The following CX3CR1 variants were observed in gnomAD, a reference collection of about 807,000 sequenced individuals.
CX3CR1 encodes the protein C-X3-C motif chemokine receptor 1.
For synonymous variants in CX3CR1, 168 were observed against 178.5 expected (o/e 0.94, Z 0.47); for missense variants, 363 against 432.4 (o/e 0.84, Z 1.42).
At chr3:39,287,288 T>C in the CX3CR1 span, 1 of 152,210 alleles carries the variant, frequency 6.6e-6, no homozygotes, top group East Asian at 1.9e-4. Flanking sequence ...TTTAAGGTAA[T>C]GAAGACCTAA....
chr3:39,283,793 AATTATATATATAT>A (rs1369780964), upstream of CX3CR1, among the ~76,000 whole-genome samples: 137 of 63,920 alleles, frequency 2.1e-3, 1 homozygote, highest in Non-Finnish European at 3.2e-3. Flanking sequence ...AAAAAAAAAA[AATTATATATATAT>A]ATATATATAT....
chr3:39,276,570 C>T (rs1157506211), intron 1 of CX3CR1, among the ~76,000 whole-genome samples: 5 of 152,190 alleles, frequency 3.3e-5, no homozygotes, highest in African/African-American at 1.2e-4. Flanking sequence ...CTGTAGACTG[C>T]TAATTCTCCT....
intron 1 of CX3CR1, among the ~76,000 whole-genome samples, chr3:39,276,123 T>C (rs1458965115): frequency 6.6e-6 from 1 of 151,748 alleles, no homozygotes; most frequent in African/African-American, 2.4e-5. Flanking sequence ...GATGGTGGAG[T>C]TGGGAGGAGC....
chr3:39,273,593 G>T (rs1047222718), intron 1 of CX3CR1, among the ~76,000 whole-genome samples: 1 of 152,176 alleles, frequency 6.6e-6, no homozygotes, highest in Non-Finnish European at 1.5e-5. Context: ...ACCTCTAAGA[G>T]CCTTGCTAGC....
chr3:39,272,886 G>A (rs771854407), intron 1 of CX3CR1, among the ~76,000 whole-genome samples: 5 of 152,134 alleles, frequency 3.3e-5, no homozygotes, highest in South Asian at 2.1e-4. Context: ...TGCCATTCCC[G>A]GATGCCTGCT....
rs1427753776 is a variant in CX3CR1, at chr3:39,263,814, G to A, written c.*1628C>T. On this transcript the variant is annotated 3_prime_UTR_variant, in exon 2 of 2. Coordinates refer to ENST00000399220, the MANE Select transcript of CX3CR1 (RefSeq NM_001337.4). ...GATTATAAAACCATCTGTACATTACGATTGCAACTCTAAACATGTGAGAGT... is the reference window on the plus strand; with the variant it reads ...GATTATAAAACCATCTGTACATTACAATTGCAACTCTAAACATGTGAGAGT... 1 of 152,230 alleles carries A rather than the reference G, an allele frequency of 6.6e-6. No homozygotes were observed. The highest frequency in any genetic ancestry group is 1.5e-5 in the Non-Finnish European group (1 of 68,044). 9.4% of individuals were successfully genotyped at this position (152,230 alleles called of 1,614,324 possible).
chr3:39,266,633 A>G (rs756729485), intron 1 of CX3CR1, 115 bp from the exon 2 acceptor site: 1 of 1,017,244 alleles, frequency 9.8e-7, no homozygotes, highest in Non-Finnish European at 1.6e-6. Context: ...TTGGGTGCAC[A>G]CTACATTTCC....
chr3:39,266,336 G>A lies in CX3CR1; in HGVS notation c.174C>T (p.Asn58=), dbSNP rs757310143. ...GNLLVVFALT[N]SKKPKSVTDI... is the part of the protein sequence containing the mutation. The stretch of plus-strand genomic sequence containing the variant: ...CGGTGACACTCTTGGGCTTCTTGCT[G>A]TTGGTGAGGGCAAACACTACCAACA... Residue 58 remains asparagine, a synonymous_variant, in exon 2 of 2, where the codon AAC becomes AAT. Coordinates refer to ENST00000399220, the MANE Select transcript of CX3CR1 (RefSeq NM_001337.4). 1.9e-6 allele frequency: 3 copies of A among 1,614,216 alleles called. No individual in the cohort carries two copies. The South Asian group carries it at 3.3e-5, about 18-fold the overall frequency.
Position 39,263,637 on chromosome 3 carries a change from C to A in CX3CR1, c.*1805G>T, listed in dbSNP as rs1161369437. On this transcript the variant is annotated 3_prime_UTR_variant, in exon 2 of 2. Transcript: ENST00000399220. Reference sequence around the variant, plus strand: ...ATTCATTATACAAACATATAGACTGCCAAAGAGCTATCAGATACACAGCAA... The same window carrying A: ...ATTCATTATACAAACATATAGACTGACAAAGAGCTATCAGATACACAGCAA... 1 of 152,154 alleles carries A rather than the reference C, an allele frequency of 6.6e-6. No homozygotes were observed. The highest frequency in any genetic ancestry group is 2.4e-5 in the African/African-American group (1 of 41,436). The allele number at this position is 152,154 out of a possible 1,614,324, so 9.4% of individuals were successfully genotyped here.
upstream of CX3CR1, among the ~76,000 whole-genome samples, chr3:39,283,802 TATATA>T (rs1559371969): frequency 1.1e-3 from 41 of 35,872 alleles, no homozygotes; most frequent in African/African-American, 5.0e-3. Context: ...AAATTATATA[TATATA>T]TATATATATA....
chr3:39,269,019 T>C (rs975185025), intron 1 of CX3CR1, among the ~76,000 whole-genome samples: 1 of 151,946 alleles, frequency 6.6e-6, no homozygotes, highest in Non-Finnish European at 1.5e-5. Flanking sequence ...TATTTTTTTT[T>C]CCCCCTGAAA....
intron 1 of CX3CR1, among the ~76,000 whole-genome samples, chr3:39,278,662 T>C (rs1157690054): frequency 2.4e-4 from 35 of 148,052 alleles, no homozygotes; most frequent in Admixed American, 1.5e-3. Flanking sequence ...TTTCTTTTTT[T>C]TTTTTTTTTT....
chr3:39,292,010 A>C, the CX3CR1 span, among the ~76,000 whole-genome samples: 827 of 152,324 alleles, frequency 5.4e-3, 4 homozygotes, highest in Non-Finnish European at 9.8e-3. Context: ...GTTCCAGTGA[A>C]TGGAAAGCTT....
At chr3:39,268,720 C>T (rs1279633051) in intron 1 of CX3CR1, among the ~76,000 whole-genome samples, 1 of 152,240 alleles carries the variant, frequency 6.6e-6, no homozygotes, top group Non-Finnish European at 1.5e-5. Flanking sequence ...AATCCTGCAT[C>T]TGTCCTCTCT....
Position 39,265,409 on chromosome 3 carries a change from G to A in CX3CR1, c.*33C>T, listed in dbSNP as rs1262865785. ...TCAGCATCAGGTTCAGGAACTCCAG[G>A]TTCTCTGTAGACACAAGGCTTTGGG... On this transcript the variant is annotated 3_prime_UTR_variant, in exon 2 of 2. Transcript: ENST00000399220. The A allele has an allele frequency of 1.9e-6, 3 of 1,549,458 alleles. No individual in the cohort carries two copies. Among genetic ancestry groups the A allele is most frequent in the Non-Finnish European group, 2.6e-6 (3 of 1,148,826 alleles).
Position 39,266,291 on chromosome 3 carries a change from C to T in CX3CR1, c.219G>A (p.Leu73=). The T allele has an allele frequency of 6.2e-7, 1 of 1,614,150 alleles. No homozygotes were observed. The highest frequency in any genetic ancestry group is 8.5e-7 in the Non-Finnish European group (1 of 1,180,024). The change falls in exon 2 of 2, where the codon CTG becomes CTA. Residue 73 remains leucine (L), a synonymous_variant. Transcript: ENST00000399220. ...CTACAAACAGCAGATCAGACAAGGC[C>T]AGGTTCAGGAGGTAAATGTCGGTGA... The part of the protein sequence containing the change: ...KSVTDIYLLN[L]ALSDLLFVAT...
At chr3:39,283,842 A>AT (rs2040927795), upstream of CX3CR1, among the ~76,000 whole-genome samples, 1 of 67,256 alleles carries the variant, frequency 1.5e-5, no homozygotes, top group Non-Finnish European at 3.0e-5. Context: ...TATATATATA[A>AT]TGTGGTTAAT....
At position 39,264,439 on chromosome 3, in the gene CX3CR1, A is replaced by C. The variant is rs903720925; in HGVS notation, c.*1003T>G. On this transcript the variant is annotated 3_prime_UTR_variant, in exon 2 of 2. Transcript: ENST00000399220. The stretch of plus-strand genomic sequence containing the variant: ...CCCAAGCTACTGGAGTTGGGGTTGG[A>C]ATCCATCCCTTCTTATTTGGGGGCA... The C allele has an allele frequency of 1.3e-5, 2 of 152,420 alleles. No individual in the cohort carries two copies. Among genetic ancestry groups the C allele is most frequent in the African/African-American group, 4.8e-5 (2 of 41,460 alleles). 9.4% of individuals were successfully genotyped at this position (152,420 alleles called of 1,614,324 possible). A position where few individuals can be genotyped will look rare whatever the true frequency, so the allele number is the denominator to read the frequency against.
chr3:39,279,571 C>T (rs943484377), intron 1 of CX3CR1, among the ~76,000 whole-genome samples: 36 of 152,138 alleles, frequency 2.4e-4, no homozygotes, highest in African/African-American at 7.0e-4. Flanking sequence ...CACTTGTGTG[C>T]ATCTCTAAAA....
Sources: gnomAD v4.1 joint callset for allele counts (sites outside exome capture counted in the v4.1 genomes callset) on GRCh38, gnomAD v4.1.1 for gene constraint, MANE v1.5 for transcripts, NCBI Gene and HGNC (gene_info 2026-07-23, HGNC 2026-07-21) for gene names.